Variants in CADM2 observed in about 807,000 individuals in gnomAD.
The protein encoded by CADM2 is immunoglobulin superfamily member 4D.
In CADM2, 12 loss-of-function variants were observed where a neutral mutation model predicts 49.8. That is an observed-to-expected ratio of 0.24 (90% CI 0.15 to 0.39). CADM2 has a LOEUF of 0.39. Among genes scored for constraint, CADM2 ranks in the 10% least tolerant of loss-of-function variants. The probability of loss-of-function intolerance (pLI) is 1.00; values close to 1 mark genes in which losing one functional copy is unlikely to be tolerated. For synonymous variants in CADM2, 214 were observed against 175.4 expected (o/e 1.22, Z -1.74); for missense variants, 378 against 492.3 (o/e 0.77, Z 2.20).
At chr3:85,347,416 C>T (rs1180439741) in intron 1 of CADM2, among the ~76,000 whole-genome samples, 3 of 137,852 alleles carry the variant, frequency 2.2e-5, no homozygotes, top group East Asian at 2.5e-4. Flanking sequence ...TCTACTCAAA[C>T]GAATGCATTG....
chr3:85,717,880 G>A (rs2067354007), intron 1 of CADM2, among the ~76,000 whole-genome samples: 1 of 152,076 alleles, frequency 6.6e-6, no homozygotes, highest in South Asian at 2.1e-4. Flanking sequence ...CATTTCTCCT[G>A]CCTCAGCCTC....
At chr3:85,438,651 T>A (rs2037043822) in intron 1 of CADM2, among the ~76,000 whole-genome samples, 1 of 151,982 alleles carries the variant, frequency 6.6e-6, no homozygotes, top group African/African-American at 2.4e-5. Context: ...CATTGATAGA[T>A]CTTTCCTTTC....
intron 6 of CADM2, among the ~76,000 whole-genome samples, chr3:85,926,257 T>A (rs1283704808): frequency 6.6e-6 from 1 of 152,056 alleles, no homozygotes; most frequent in East Asian, 1.9e-4. Context: ...TTCTGTTTGT[T>A]TTTTTGGGGG....
intron 1 of CADM2, among the ~76,000 whole-genome samples, chr3:85,000,270 C>T (rs572243938): frequency 2.0e-5 from 3 of 151,812 alleles, no homozygotes; most frequent in South Asian, 2.1e-4. Flanking sequence ...TGCATCACCA[C>T]GCCCAGCTAA....
At chr3:85,161,331 T>C (rs1214670303) in intron 1 of CADM2, among the ~76,000 whole-genome samples, 1 of 152,134 alleles carries the variant, frequency 6.6e-6, no homozygotes, top group Non-Finnish European at 1.5e-5. Context: ...TGAGTGCTTT[T>C]GTAGAATCTA....
chr3:84,977,747 A>T (rs1233423085), intron 1 of CADM2, among the ~76,000 whole-genome samples: 1 of 152,066 alleles, frequency 6.6e-6, no homozygotes, highest in Non-Finnish European at 1.5e-5. Flanking sequence ...TAGTTCTTAA[A>T]AACAGAGAGC....
Position 85,727,097 on chromosome 3 carries a change from A to G in CADM2, c.88+549A>G, listed in dbSNP as rs1016331901. ...CACATGTCCAACGCTGAAAATAAAG[A>G]AAAAGTATTTTGGCTCCATGTGTCC... is the stretch of plus-strand genomic sequence containing the variant. On this transcript the variant is annotated intron_variant, in intron 2 of 9. Coordinates refer to ENST00000383699, the MANE Select transcript of CADM2 (RefSeq NM_001167675.2). Among the ~76,000 whole-genome samples, 8 of 152,258 alleles carry G rather than the reference A, an allele frequency of 5.3e-5. No homozygotes were observed. In the East Asian group the frequency reaches 5.8e-4, roughly 11 times the overall value.
At chr3:85,528,393 A>T (rs1263820929) in intron 1 of CADM2, among the ~76,000 whole-genome samples, 7 of 152,212 alleles carry the variant, frequency 4.6e-5, no homozygotes, top group Admixed American at 4.6e-4. Context: ...AGTAACTATG[A>T]CTTCAAAATG....
At chr3:85,640,691 A>T (rs1200871380) in intron 1 of CADM2, among the ~76,000 whole-genome samples, 2 of 152,218 alleles carry the variant, frequency 1.3e-5, no homozygotes, top group African/African-American at 4.8e-5. Flanking sequence ...TCCTGAAGGT[A>T]GCAAGGGATC....
At chr3:85,652,971 C>T (rs1007694079) in intron 1 of CADM2, among the ~76,000 whole-genome samples, 1 of 151,198 alleles carries the variant, frequency 6.6e-6, no homozygotes, top group African/African-American at 2.4e-5. Context: ...GACGGGGTTT[C>T]ACCATGTTGG....
chr3:85,506,596 A>G (rs2040363526), intron 1 of CADM2, among the ~76,000 whole-genome samples: 1 of 152,046 alleles, frequency 6.6e-6, no homozygotes, highest in African/African-American at 2.4e-5. Flanking sequence ...CCGGGATATC[A>G]CTATGTTGCC....
At chr3:85,235,668 A>T (rs777057213) in intron 1 of CADM2, among the ~76,000 whole-genome samples, 1 of 152,124 alleles carries the variant, frequency 6.6e-6, no homozygotes, top group Non-Finnish European at 1.5e-5. Context: ...TTGAAATTTC[A>T]TTACAAGTAT....
rs1297263708 is a variant in CADM2 at position 86,022,683 on chromosome 3, TACAC to T, written c.971-42916_971-42913del. Among the ~76,000 whole-genome samples the T allele has an allele frequency of 2.6e-5, 4 of 152,060 alleles. No individual in the cohort carries two copies. In the East Asian group the frequency reaches 7.7e-4, roughly 29 times the overall value. On this transcript the variant is annotated intron_variant, in intron 8 of 9. Coordinates refer to ENST00000383699, the MANE Select transcript of CADM2 (RefSeq NM_001167675.2). The stretch of plus-strand genomic sequence containing the variant: ...TTAGCTTTTTTATTATAAATACACA[TACAC>T]ACACATGCACTTAGAGAGCGTCCTC...
At chr3:85,785,100 T>C (rs932041356) in intron 2 of CADM2, among the ~76,000 whole-genome samples, 24 of 152,272 alleles carry the variant, frequency 1.6e-4, no homozygotes, top group African/African-American at 5.3e-4. Context: ...CTAATGATTC[T>C]TTGAATTTCT....
chr3:85,324,732 T>G (rs1427414541), intron 1 of CADM2, among the ~76,000 whole-genome samples: 2 of 152,218 alleles, frequency 1.3e-5, no homozygotes, highest in Non-Finnish European at 2.9e-5. Flanking sequence ...TTGTTTTATA[T>G]TCCTTGTGGT....
intron 8 of CADM2, among the ~76,000 whole-genome samples, chr3:86,021,924 G>A (rs551199560): frequency 6.6e-6 from 1 of 152,210 alleles, no homozygotes; most frequent in South Asian, 2.1e-4. Context: ...GAGAACTATA[G>A]GCAATATACC....
chr3:85,829,428 G>T (rs1333618640), intron 3 of CADM2, among the ~76,000 whole-genome samples: 3 of 151,724 alleles, frequency 2.0e-5, no homozygotes, highest in Non-Finnish European at 4.4e-5. Context: ...TCATTTCTTT[G>T]TGTTGTTTTC....
chr3:85,973,336 C>A (rs1239304614), intron 8 of CADM2, among the ~76,000 whole-genome samples: 1 of 151,688 alleles, frequency 6.6e-6, no homozygotes, highest in Non-Finnish European at 1.5e-5. Flanking sequence ...CTGTGGATAG[C>A]CACTGCATTC....
intron 5 of CADM2, among the ~76,000 whole-genome samples, chr3:85,907,226 A>G (rs1179920461): frequency 6.6e-6 from 1 of 152,184 alleles, no homozygotes; most frequent in Non-Finnish European, 1.5e-5. Flanking sequence ...GACAACAATT[A>G]TGTGGATTCA....
Sources: allele counts gnomAD v4.1 joint callset (sites outside exome capture counted in the v4.1 genomes callset), GRCh38; gene constraint gnomAD v4.1.1; transcripts MANE v1.5; gene names NCBI Gene and HGNC (gene_info 2026-07-23, HGNC 2026-07-21).